Variants in ANKRD30BL observed in about 807,000 individuals in gnomAD.
ANKRD30BL encodes the protein ankyrin repeat domain 30B like.
ANKRD30BL carries 20 observed loss-of-function variants against 18.4 expected under a neutral mutation model. The ratio of observed to expected loss-of-function variants is 1.09; its 90% confidence interval spans 0.77 to 1.58. ANKRD30BL has a LOEUF of 1.58. ANKRD30BL is among the 40% of genes most tolerant of loss of function. The probability of loss-of-function intolerance (pLI) is 0.00; values close to 1 mark genes in which losing one functional copy is unlikely to be tolerated. For missense variants in ANKRD30BL, 224 were observed against 268.6 expected (o/e 0.83, Z 1.16); for synonymous variants, 72 against 100.9 (o/e 0.71, Z 1.72).
chr2:132,256,312 G>T (rs1680835188), intron 1 of ANKRD30BL, among the ~76,000 whole-genome samples: 1 of 146,532 alleles, frequency 6.8e-6, no homozygotes, highest in African/African-American at 2.6e-5. Context: ...TGGGGTGGTG[G>T]GAGGGGGGTG....
intron 1 of ANKRD30BL, among the ~76,000 whole-genome samples, chr2:132,183,749 A>G (rs939360076): frequency 2.6e-5 from 4 of 151,832 alleles, no homozygotes; most frequent in Admixed American, 2.6e-4. Context: ...ATATATGTAT[A>G]TGTGTGTATA....
At chr2:132,219,300 GA>G (rs561189055) in intron 1 of ANKRD30BL, among the ~76,000 whole-genome samples, 9,143 of 151,280 alleles carry the variant, frequency 0.06, 918 homozygotes, top group African/African-American at 0.21. Context: ...GCCTTCGCTG[GA>G]AACAGGAATA....
chr2:132,251,466 C>T (rs1395126691), intron 1 of ANKRD30BL, among the ~76,000 whole-genome samples: 4 of 152,214 alleles, frequency 2.6e-5, no homozygotes, highest in East Asian at 1.9e-4. Flanking sequence ...CACTCTGACA[C>T]GTTTTCCTCC....
intron 1 of ANKRD30BL, among the ~76,000 whole-genome samples, chr2:132,241,327 G>T (rs367705674): frequency 6.6e-6 from 1 of 150,942 alleles, no homozygotes; most frequent in Non-Finnish European, 1.5e-5. Context: ...TGAGGATTTT[G>T]TTGGAAACGG....
At chr2:132,255,935 C>G (rs909468567) in intron 1 of ANKRD30BL, among the ~76,000 whole-genome samples, 2 of 152,144 alleles carry the variant, frequency 1.3e-5, no homozygotes, top group African/African-American at 4.8e-5. Flanking sequence ...ACCCCCCGGC[C>G]GGGGACGGAG....
intron 1 of ANKRD30BL, among the ~76,000 whole-genome samples, chr2:132,236,997 T>C (rs977933012): frequency 6.6e-6 from 1 of 151,366 alleles, no homozygotes; most frequent in African/African-American, 2.4e-5. Context: ...AAATTGGAAA[T>C]CATCATTCTC....
Position 132,220,503 on chromosome 2 carries a change from G to A in ANKRD30BL, n.441+37026C>T, listed in dbSNP as rs1256742909. Reference sequence around the variant, plus strand: ...CTCAGCCTGCCGAGTGCCTGTGATTGCAGGCGCGCGTCGCCACGCCTGACT... The same window carrying A: ...CTCAGCCTGCCGAGTGCCTGTGATTACAGGCGCGCGTCGCCACGCCTGACT... On this transcript the variant is annotated intron_variant and non_coding_transcript_variant, in intron 1 of 4. Transcript: ENST00000470729. 7.2e-5 allele frequency among the ~76,000 whole-genome samples: 11 copies of A among 152,140 alleles called. No individual in the cohort carries two copies. In the South Asian group the frequency reaches 1.0e-3, roughly 14 times the overall value.
At chr2:132,216,295 G>C (rs1679495981) in intron 1 of ANKRD30BL, among the ~76,000 whole-genome samples, 1 of 152,026 alleles carries the variant, frequency 6.6e-6, no homozygotes, top group African/African-American at 2.4e-5. Context: ...CTCTCTTTTT[G>C]TAGAATCTGC....
At chr2:132,207,542 A>C (rs1679234440) in intron 1 of ANKRD30BL, among the ~76,000 whole-genome samples, 2 of 152,164 alleles carry the variant, frequency 1.3e-5, no homozygotes, top group African/African-American at 4.8e-5. Context: ...ATTTTTTACA[A>C]AGGTAAATGA....
intron 1 of ANKRD30BL, among the ~76,000 whole-genome samples, chr2:132,177,872 ATT>A (rs1404283681): frequency 6.6e-6 from 1 of 151,804 alleles, no homozygotes; most frequent in African/African-American, 2.4e-5. Flanking sequence ...TTTCATGGGA[ATT>A]TTTTTGTTTG....
At chr2:132,201,327 G>T (rs1199088278) in intron 1 of ANKRD30BL, among the ~76,000 whole-genome samples, 1 of 152,178 alleles carries the variant, frequency 6.6e-6, no homozygotes, top group Non-Finnish European at 1.5e-5. Context: ...CTTCTGCACA[G>T]CAAAAGAAAC....
At chr2:132,154,970 GTT>G (rs1452544545) in intron 3 of ANKRD30BL, 2 of 407,960 alleles carry the variant, frequency 4.9e-6, no homozygotes, top group African/African-American at 4.1e-5. Flanking sequence ...ATTAACTCTA[GTT>G]ATCTCCAAAA....
intron 1 of ANKRD30BL, among the ~76,000 whole-genome samples, chr2:132,194,032 T>TTCTCTC (rs764528052): frequency 7.2e-6 from 1 of 137,948 alleles, no homozygotes; most frequent in African/African-American, 2.6e-5. Context: ...CAGAGATAAT[T>TTCTCTC]TCTCTCTCTC....
At chr2:132,166,365 G>A (rs375949166), upstream of ANKRD30BL, among the ~76,000 whole-genome samples, 2 of 150,926 alleles carry the variant, frequency 1.3e-5, no homozygotes, top group East Asian at 3.9e-4. Flanking sequence ...GTGGAAAATT[G>A]GTATAATTTC....
chr2:132,185,451 G>A (rs956798626), intron 1 of ANKRD30BL, among the ~76,000 whole-genome samples: 15 of 152,092 alleles, frequency 9.9e-5, no homozygotes, highest in African/African-American at 3.6e-4. Context: ...TAGAATAATT[G>A]AGGAGAAATA....
At chr2:132,226,486 G>A (rs55767932) in intron 1 of ANKRD30BL, among the ~76,000 whole-genome samples, 379 of 151,640 alleles carry the variant, frequency 2.5e-3, no homozygotes, top group Non-Finnish European at 4.6e-3. Flanking sequence ...GTGGGCATTA[G>A]GAGCACTTTG....
At chr2:132,191,043 C>T (rs71430479) in intron 1 of ANKRD30BL, among the ~76,000 whole-genome samples, 12 of 152,116 alleles carry the variant, frequency 7.9e-5, no homozygotes, top group Admixed American at 7.9e-4. Context: ...TATGTGGCTA[C>T]CACCAATGAA....
chr2:132,180,931 A>AT (rs1315840041), intron 1 of ANKRD30BL, among the ~76,000 whole-genome samples: 3 of 151,550 alleles, frequency 2.0e-5, no homozygotes, highest in Non-Finnish European at 4.4e-5. Flanking sequence ...GTGGATCATG[A>AT]GGTCAGGACA....
At chr2:132,239,390 T>C (rs923077922) in intron 1 of ANKRD30BL, among the ~76,000 whole-genome samples, 14 of 151,860 alleles carry the variant, frequency 9.2e-5, no homozygotes, top group African/African-American at 3.4e-4. Context: ...CATAGAGCAG[T>C]TTTGAAACAC....
Sources: allele counts gnomAD v4.1 joint callset (sites outside exome capture counted in the v4.1 genomes callset), GRCh38; gene constraint gnomAD v4.1.1; transcripts MANE v1.5; gene names NCBI Gene and HGNC (gene_info 2026-07-23, HGNC 2026-07-21).